RGPD8: variants seen among roughly 807,000 people sequenced by gnomAD.
The protein encoded by RGPD8 is RANBP2-like and GRIP domain-containing protein 8.
RGPD8 carries 15 observed loss-of-function variants against 89.1 expected under a neutral mutation model. That is an observed-to-expected ratio of 0.17 (90% confidence interval 0.11 to 0.26). The LOEUF (loss-of-function observed/expected upper bound fraction) is 0.26. Among genes scored for constraint, RGPD8 ranks in the 10% least tolerant of loss-of-function variants. RGPD8 has a pLI of 1.00. For synonymous variants in RGPD8, 62 were observed against 420.9 expected, an observed-to-expected ratio of 0.15 and a Z score of 10.44; for missense variants, 178 against 1,179.6, an observed-to-expected ratio of 0.15 and a Z score of 12.44.
At chr2:112,430,179 T>C (rs1204178527) in intron 1 of RGPD8, among the ~76,000 whole-genome samples, 2 of 152,092 alleles carry the variant, frequency 1.3e-5, no homozygotes, top group Non-Finnish European at 2.9e-5. Context: ...AGACGCATCA[T>C]CACACACCAA....
At chr2:112,431,185 G>A (rs998487449) in intron 1 of RGPD8, among the ~76,000 whole-genome samples, 43 of 152,332 alleles carry the variant, frequency 2.8e-4, no homozygotes, top group African/African-American at 9.6e-4. Flanking sequence ...TTGAGCTGGG[G>A]AGGCGGAAGC....
At chr2:112,372,259 T>C (rs1412330937) in intron 22 of RGPD8, among the ~76,000 whole-genome samples, 1 of 2,626 alleles carries the variant, frequency 3.8e-4, no homozygotes, top group Admixed American at 3.7e-3. Context: ...GCTAGCAAGA[T>C]AGAAGCCACA....
intron 1 of RGPD8, among the ~76,000 whole-genome samples, chr2:112,429,415 C>CAAAAAAAAA (rs71412832): frequency 1.5e-4 from 7 of 45,710 alleles, no homozygotes; most frequent in Non-Finnish European, 2.3e-4. Flanking sequence ...GACTCCGTCT[C>CAAAAAAAAA]AAAAAAAAAA....
intron 20 of RGPD8, among the ~76,000 whole-genome samples, chr2:112,381,907 C>G (rs1263751679): frequency 1.3e-5 from 2 of 152,424 alleles, no homozygotes; most frequent in African/African-American, 4.8e-5. Context: ...TGGGTGTCAA[C>G]TTGATTGGAT....
rs1368551375 is a variant in RGPD8, at chr2:112,390,124, C to T, written c.2821G>A (p.Glu941Lys). The T allele has an allele frequency of 4.4e-6, 7 of 1,603,840 alleles. No individual in the cohort carries two copies. The highest frequency in any genetic ancestry group is 1.4e-5 in the African/African-American group (1 of 73,222). ...TGAGCCTGTAAGCCAGTATCATTTT[C>T]AAGAGGCTTTTCCCTTTTCTTTTCT... The part of the protein sequence containing the change: ...NQEKKREKPL[E>K]NDTGLQAQDI... The change falls in exon 20 of 23, where the codon GAA becomes AAA. Residue 941 changes from glutamate to lysine, a missense_variant. Physicochemically the swap from Glu to Lys is moderately conservative, Grantham distance 56. Transcript: ENST00000302558.
chr2:112,419,481 T>C (rs1410994860), intron 4 of RGPD8, among the ~76,000 whole-genome samples: 2 of 141,094 alleles, frequency 1.4e-5, no homozygotes, highest in Non-Finnish European at 3.1e-5. Flanking sequence ...TCAACAGTAA[T>C]ACTCTCATTC....
intron 6 of RGPD8, among the ~76,000 whole-genome samples, chr2:112,416,281 C>T (rs1326460337): frequency 6.6e-6 from 1 of 152,246 alleles, no homozygotes; most frequent in Admixed American, 6.5e-5. Context: ...AGATACTGCT[C>T]TTACCCTACC....
In RGPD8 at chr2:112,415,213, C is replaced by A. The variant is rs545847252; in HGVS notation, c.782+1980G>T. Among the ~76,000 whole-genome samples the A allele has an allele frequency of 4.7e-4, 71 of 152,172 alleles. No individual in the cohort carries two copies. The Middle Eastern group carries it at 0.021, about 44-fold the overall frequency. ...CCTGGCTAACACGGTGACACTCCGT[C>A]TCTACTAAAAATACAAAAAAAATTA... On this transcript the variant is annotated intron_variant, in intron 6 of 22. Transcript: ENST00000302558.
chr2:112,405,026 G>A (rs1678986157), intron 8 of RGPD8, among the ~76,000 whole-genome samples: 1 of 152,264 alleles, frequency 6.6e-6, no homozygotes, highest in African/African-American at 2.4e-5. Context: ...AATCAAAGAA[G>A]CCAGTCACAA....
chr2:112,370,426 G>A (rs1223795361), intron 22 of RGPD8, among the ~76,000 whole-genome samples: 54 of 108,086 alleles, frequency 5.0e-4, no homozygotes, highest in African/African-American at 1.9e-3. Context: ...AGGCTCGAGT[G>A]CAGTGGCGTG....
chr2:112,402,314 T>C, intron 9 of RGPD8, among the ~76,000 whole-genome samples: 1 of 126,270 alleles, frequency 7.9e-6, no homozygotes, highest in African/African-American at 3.2e-5. Context: ...GAGACCAGCC[T>C]GGCCAGCATG....
chr2:112,380,993 T>A (rs777036385), intron 20 of RGPD8, 30 bp from the exon 21 acceptor site: 1 of 741,518 alleles, frequency 1.3e-6, no homozygotes, highest in South Asian at 1.9e-5. Context: ...GAATTAATTT[T>A]CAAAATCATA....
intron 1 of RGPD8, among the ~76,000 whole-genome samples, chr2:112,432,176 T>C (rs1680068875): frequency 6.6e-6 from 1 of 152,196 alleles, no homozygotes; most frequent in African/African-American, 2.4e-5. Flanking sequence ...CCACCTTTAA[T>C]AGCTTCTTCC....
At chr2:112,416,239 T>G (rs1260461469) in intron 6 of RGPD8, among the ~76,000 whole-genome samples, 1 of 152,264 alleles carries the variant, frequency 6.6e-6, no homozygotes, top group Non-Finnish European at 1.5e-5. Flanking sequence ...ACATGTTTTC[T>G]AAAATAATCT....
intron 1 of RGPD8, among the ~76,000 whole-genome samples, chr2:112,424,855 G>A (rs1452216475): frequency 6.7e-6 from 1 of 149,362 alleles, no homozygotes; most frequent in Non-Finnish European, 1.5e-5. Context: ...TAGCTTTGAG[G>A]CCAAGAGTTT....
intron 20 of RGPD8, among the ~76,000 whole-genome samples, chr2:112,384,922 AAT>A (rs1442118361): frequency 7.4e-6 from 1 of 135,386 alleles, no homozygotes; most frequent in Non-Finnish European, 1.6e-5. Context: ...GTGTTTACTT[AAT>A]AGTCATTGAA....
At chr2:112,432,885 T>G (rs1255709907) in intron 1 of RGPD8, among the ~76,000 whole-genome samples, 44 of 151,038 alleles carry the variant, frequency 2.9e-4, no homozygotes, top group East Asian at 9.8e-4. Context: ...CTAGCCGGCC[T>G]CCGCCTCAAC....
At chr2:112,374,750 A>T (rs1168101489) in intron 22 of RGPD8, among the ~76,000 whole-genome samples, 3 of 137,066 alleles carry the variant, frequency 2.2e-5, no homozygotes, top group Non-Finnish European at 4.8e-5. Flanking sequence ...CTCCTTTTAG[A>T]ACTTCGATTA....
rs1030858818 is a variant in RGPD8 at position 112,432,636 on chromosome 2, T to C, written c.72+746A>G. On this transcript the variant is annotated intron_variant, in intron 1 of 22. Transcript: ENST00000302558. ...CCTCCGCCGCGGCATATAAAGTAAA[T>C]GTCCAGGACATGGGAAGAAACCCGC... is the stretch of plus-strand genomic sequence containing the variant. 6 of 984,380 alleles carry C rather than the reference T, an allele frequency of 6.1e-6. No individual in the cohort carries two copies. The African/African-American group carries it at 8.8e-5, about 14-fold the overall frequency. The allele number at this position is 984,380 out of a possible 1,614,324, so 61.0% of individuals were successfully genotyped here.
Sources: gnomAD v4.1 joint callset for allele counts (sites outside exome capture counted in the v4.1 genomes callset) on GRCh38, gnomAD v4.1.1 for gene constraint, MANE v1.5 for transcripts, NCBI Gene and HGNC (gene_info 2026-07-23, HGNC 2026-07-21) for gene names.